HMBOX1: variants seen among roughly 807,000 people sequenced by gnomAD.
HMBOX1 encodes the protein homeobox-containing protein 1.
HMBOX1 carries 14 observed loss-of-function variants against 54.5 expected under a neutral mutation model. The observed-to-expected ratio is 0.26, with a 90% CI of 0.17 to 0.40. HMBOX1 has a LOEUF of 0.40. Ranked by LOEUF, HMBOX1 falls within the 10% of genes least tolerant of loss-of-function variation. The pLI, the probability that HMBOX1 is intolerant of heterozygous loss-of-function variation, is 1.00. For synonymous variants in HMBOX1, 160 were observed against 181.0 expected (o/e 0.88, Z 0.93); for missense variants, 332 against 514.4 (o/e 0.65, Z 3.43).
intron 1 of HMBOX1, among the ~76,000 whole-genome samples, chr8:28,931,624 C>T (rs1819484153): frequency 6.6e-6 from 1 of 152,036 alleles, no homozygotes; most frequent in African/African-American, 2.4e-5. Context: ...TCACTGCAGC[C>T]TCTACCTCCC....
rs563336415 is a variant in HMBOX1 at position 28,911,416 on chromosome 8, C to T, written c.-58+20738C>T. Reference sequence around the variant, plus strand: ...TATTGCCTAGGCTGGAGCGCAGTGGCGCGATATCAGCTCACTGCAACCACT... The same window carrying T: ...TATTGCCTAGGCTGGAGCGCAGTGGTGCGATATCAGCTCACTGCAACCACT... On this transcript the variant is annotated intron_variant, in intron 1 of 9. Coordinates refer to ENST00000287701, the MANE Select transcript of HMBOX1 (RefSeq NM_001135726.3). Among the ~76,000 whole-genome samples, 5 of 152,224 alleles carry T rather than the reference C, an allele frequency of 3.3e-5. No individual in the cohort carries two copies. In the South Asian group the frequency reaches 8.3e-4, roughly 25 times the overall value.
chr8:28,916,752 C>CT (rs547465967), intron 1 of HMBOX1, among the ~76,000 whole-genome samples: 12 of 149,718 alleles, frequency 8.0e-5, no homozygotes, highest in African/African-American at 1.2e-4. Flanking sequence ...AGTCTTCCAA[C>CT]TTTTTTTTTT....
chr8:28,971,762 T>C (rs1364651092), intron 3 of HMBOX1, among the ~76,000 whole-genome samples: 2 of 152,108 alleles, frequency 1.3e-5, no homozygotes, highest in East Asian at 3.9e-4. Flanking sequence ...TTTACTTTTG[T>C]TGGAATTGAG....
At chr8:29,023,799 A>G (rs1801588514) in intron 6 of HMBOX1, among the ~76,000 whole-genome samples, 1 of 152,216 alleles carries the variant, frequency 6.6e-6, no homozygotes, top group Admixed American at 6.5e-5. Flanking sequence ...TAATAGTTTT[A>G]GAGCATTGAT....
chr8:28,909,212 A>G (rs529262771), intron 1 of HMBOX1, among the ~76,000 whole-genome samples: 3 of 152,316 alleles, frequency 2.0e-5, no homozygotes, highest in East Asian at 1.9e-4. Context: ...CTACCAGTCT[A>G]TATGATGGCC....
chr8:29,029,415 G>T (rs1420643834), intron 6 of HMBOX1, among the ~76,000 whole-genome samples: 1 of 152,184 alleles, frequency 6.6e-6, no homozygotes, highest in Non-Finnish European at 1.5e-5. Context: ...TTGGACAGCA[G>T]CTTGTGTCAT....
intron 1 of HMBOX1, among the ~76,000 whole-genome samples, chr8:28,954,216 T>G (rs1382081780): frequency 1.3e-5 from 2 of 152,146 alleles, no homozygotes; most frequent in Non-Finnish European, 2.9e-5. Flanking sequence ...ATTTTAAACT[T>G]TTTTGGTTTT....
chr8:29,042,796 C>T, intron 6 of HMBOX1: 1 of 430,128 alleles, frequency 2.3e-6, no homozygotes, highest in Admixed American at 2.6e-5. Flanking sequence ...CCATGGAGTT[C>T]AGGCTAAGAA....
chr8:28,936,750 A>G, intron 1 of HMBOX1, among the ~76,000 whole-genome samples: 1 of 151,462 alleles, frequency 6.6e-6, no homozygotes, highest in East Asian at 1.9e-4. Context: ...TTATTATATT[A>G]CACAGGTTAA....
intron 1 of HMBOX1, among the ~76,000 whole-genome samples, chr8:28,952,426 G>T (rs911847540): frequency 6.6e-6 from 1 of 151,962 alleles, no homozygotes; most frequent in Admixed American, 6.6e-5. Context: ...TAAAGACGAG[G>T]TTTCACCATG....
intron 7 of HMBOX1, chr8:29,046,392 T>C (rs1805561981): frequency 1.3e-5 from 2 of 152,180 alleles, no homozygotes; most frequent in Non-Finnish European, 2.9e-5. Flanking sequence ...CACTGTGGAT[T>C]AATAGCCGAA....
chr8:28,896,065 T>C (rs1812045877), intron 1 of HMBOX1, among the ~76,000 whole-genome samples: 1 of 152,210 alleles, frequency 6.6e-6, no homozygotes, highest in Non-Finnish European at 1.5e-5. Context: ...CAAATCCTGG[T>C]TTTTGCCAGT....
At chr8:29,033,203 G>A (rs899694663) in intron 6 of HMBOX1, among the ~76,000 whole-genome samples, 3 of 152,098 alleles carry the variant, frequency 2.0e-5, no homozygotes, top group Admixed American at 6.5e-5. Flanking sequence ...CTCTTCTGAT[G>A]TCATTGCTGT....
At chr8:29,026,219 A>G (rs1586573762) in intron 6 of HMBOX1, among the ~76,000 whole-genome samples, 1 of 152,108 alleles carries the variant, frequency 6.6e-6, no homozygotes, top group African/African-American at 2.4e-5. Flanking sequence ...CACATATTTG[A>G]CTTCTAAAAT....
At chr8:29,047,075 C>T (rs1415302869) in intron 7 of HMBOX1, among the ~76,000 whole-genome samples, 3 of 152,244 alleles carry the variant, frequency 2.0e-5, no homozygotes, top group Non-Finnish European at 4.4e-5. Context: ...ATCTGACACC[C>T]TAGCCAACTG....
chr8:28,965,230 T>G (rs1407317865), intron 2 of HMBOX1, among the ~76,000 whole-genome samples: 1 of 152,260 alleles, frequency 6.6e-6, no homozygotes, highest in Non-Finnish European at 1.5e-5. Context: ...GATTTTTGTC[T>G]AAGTGATCTC....
chr8:29,047,560 TTC>T, intron 8 of HMBOX1, 107 bp downstream of exon 8: 11 of 537,940 alleles, frequency 2.0e-5, no homozygotes, highest in South Asian at 9.8e-5. Context: ...GGATCCTAAC[TTC>T]TCTTTTTTTT....
intron 1 of HMBOX1, among the ~76,000 whole-genome samples, chr8:28,953,985 C>T (rs1322315912): frequency 6.6e-6 from 1 of 152,160 alleles, no homozygotes; most frequent in Non-Finnish European, 1.5e-5. Context: ...TGGTCAGTAG[C>T]ACTGAGAGTT....
chr8:28,907,170 A>G (rs968669656), intron 1 of HMBOX1, among the ~76,000 whole-genome samples: 2 of 152,240 alleles, frequency 1.3e-5, no homozygotes, highest in Admixed American at 6.5e-5. Context: ...AAGGCAGTGT[A>G]TTCCTTGTGG....
Sources: gnomAD v4.1 joint callset for allele counts (sites outside exome capture counted in the v4.1 genomes callset) on GRCh38, gnomAD v4.1.1 for gene constraint, MANE v1.5 for transcripts, NCBI Gene and HGNC (gene_info 2026-07-23, HGNC 2026-07-21) for gene names.